Variants in ARHGEF28 observed in about 807,000 individuals in gnomAD.
ARHGEF28 encodes 190 kDa guanine nucleotide exchange factor.
ARHGEF28 carries 152 observed loss-of-function variants against 206.6 expected under a neutral mutation model. The observed-to-expected ratio is 0.74, with a 90% confidence interval of 0.64 to 0.84. The LOEUF (loss-of-function observed/expected upper bound fraction) is 0.84, where lower values mean the gene tolerates loss of function less well. Ranked by LOEUF, ARHGEF28 falls within the 40% of genes least tolerant of loss-of-function variation. ARHGEF28 has a pLI of 0.00. For missense variants in ARHGEF28, 2,028 were observed against 2,073.2 expected, an observed-to-expected ratio of 0.98 and a Z score of 0.42; for synonymous variants, 763 against 776.4, an observed-to-expected ratio of 0.98 and a Z score of 0.29.
intron 9 of ARHGEF28, chr5:73,813,601 T>C (rs1309998480): frequency 1.3e-6 from 2 of 1,535,682 alleles, no homozygotes; most frequent in African/African-American, 2.7e-5. Flanking sequence ...GGATTCTGAC[T>C]CCGACTCACC....
In ARHGEF28 at chr5:73,868,147, G is replaced by C. The variant is rs760753964; in HGVS notation, c.2345G>C (p.Ser782Thr). 3.1e-6 allele frequency: 5 copies of C among 1,608,228 alleles called. No homozygotes were observed. In the South Asian group the frequency reaches 5.6e-5, roughly 18 times the overall value. ...TSLESESDHN[S>T]CRSRSHSDEL... ...TTGGAGTCTGAGAGTGACCATAACA[G>C]CTGCAGAAGCAGGTCTCATTCTGAT... The change falls in exon 20 of 36, where the codon AGC becomes ACC. Residue 782 changes from serine to threonine, a missense_variant. Physicochemically the swap from Ser to Thr is moderately conservative, Grantham distance 58. Transcript: ENST00000513042.
At chr5:73,846,165 C>G (rs562780057) in intron 11 of ARHGEF28, 103 bp from the exon 12 acceptor site, 84 of 1,025,340 alleles carry the variant, frequency 8.2e-5, no homozygotes, top group Non-Finnish European at 1.1e-4. Context: ...CCTATTGCAC[C>G]CCCCCCGCCC....
chr5:73,773,003 A>G (rs1164545534), intron 4 of ARHGEF28, among the ~76,000 whole-genome samples: 1 of 152,264 alleles, frequency 6.6e-6, no homozygotes, highest in Non-Finnish European at 1.5e-5. Flanking sequence ...ACAGTGAACA[A>G]TTCAGTGTAC....
chr5:73,739,163 A>T (rs1181686809), intron 2 of ARHGEF28, among the ~76,000 whole-genome samples: 1 of 152,160 alleles, frequency 6.6e-6, no homozygotes, highest in African/African-American at 2.4e-5. Context: ...TATGAGGAAC[A>T]TTAATATGTA....
At chr5:73,887,482 A>G in intron 25 of ARHGEF28, 121 bp from the exon 26 acceptor site, 1 of 728,330 alleles carries the variant, frequency 1.4e-6, no homozygotes, top group Non-Finnish European at 2.2e-6. Context: ...TTTGGCTATC[A>G]TAATACAGGT....
At chr5:73,773,670 G>A (rs1206447416) in intron 4 of ARHGEF28, among the ~76,000 whole-genome samples, 185 bp from the exon 5 acceptor site, 3 of 152,134 alleles carry the variant, frequency 2.0e-5, no homozygotes, top group African/African-American at 4.8e-5. Flanking sequence ...TGCCTACCTG[G>A]GCATTCACAA....
In ARHGEF28 at chr5:73,773,988, A is replaced by T. The variant is rs779037226; in HGVS notation, c.609A>T (p.Leu203Phe). ...CCAACGAAGAGGGTGCCACACCATT[A>T]GACTTAGCTTTACGTGAAGGACACT... ...ALPNEEGATP[L>F]DLALREGHSK... Residue 203 changes from leucine (L) to phenylalanine (F), a missense_variant, in exon 5 of 36, where the codon TTA becomes TTT. This residue lies in a region of ARHGEF28 where 1,002 missense variants were observed against 1,015.3 expected (regional missense o/e 0.99). Coordinates refer to ENST00000513042, the MANE Select transcript of ARHGEF28 (RefSeq NM_001177693.2). 1 of 1,606,718 alleles carries T rather than the reference A, an allele frequency of 6.2e-7. No individual in the cohort carries two copies. The highest frequency in any genetic ancestry group is 8.5e-7 in the Non-Finnish European group (1 of 1,176,370).
intron 9 of ARHGEF28, among the ~76,000 whole-genome samples, chr5:73,808,729 C>T (rs1368589956): frequency 6.6e-6 from 1 of 152,138 alleles, no homozygotes; most frequent in East Asian, 1.9e-4. Flanking sequence ...TATTTTATGA[C>T]TTTCCAGGAA....
At chr5:73,908,998 C>A (rs1762706525) in intron 33 of ARHGEF28, 1 of 157,252 alleles carries the variant, frequency 6.4e-6, no homozygotes, top group South Asian at 2.0e-4. Context: ...TATGTGGATT[C>A]TTAAGTTCTC....
At chr5:73,819,901 T>C (rs1756462662) in intron 9 of ARHGEF28, among the ~76,000 whole-genome samples, 1 of 152,234 alleles carries the variant, frequency 6.6e-6, no homozygotes. Context: ...ATTCTCTGAA[T>C]TCCCTTGGGG....
At chr5:73,650,572 C>T (rs564153470) in intron 1 of ARHGEF28, among the ~76,000 whole-genome samples, 12 of 152,000 alleles carry the variant, frequency 7.9e-5, no homozygotes, top group South Asian at 4.2e-4. Flanking sequence ...TGTGAGCCAC[C>T]GCGCCCAGCT....
chr5:73,776,618 C>G lies in ARHGEF28; in HGVS notation c.762C>G (p.Asn254Lys), dbSNP rs747968877. 6.2e-7 allele frequency: 1 copy of G among 1,613,956 alleles called. No homozygotes were observed. The highest frequency in any genetic ancestry group is 8.5e-7 in the Non-Finnish European group (1 of 1,179,818). Residue 254 changes from asparagine to lysine, a missense_variant, in exon 6 of 36, where the codon AAC (asparagine) becomes AAG (lysine). This residue lies in a region of ARHGEF28 where 1,002 missense variants were observed against 1,015.3 expected (regional missense o/e 0.99). Coordinates refer to ENST00000513042, the MANE Select transcript of ARHGEF28 (RefSeq NM_001177693.2). ...CGGAAACGCTGACCCTGACCCTGAA[C>G]CACACAGCCGAGCATTTGTTGGAGG... is the stretch of plus-strand genomic sequence containing the variant. ...HSSETLTLTL[N>K]HTAEHLLEAD... is the part of the protein sequence containing the mutation.
chr5:73,805,020 C>T (rs568355995), intron 9 of ARHGEF28, among the ~76,000 whole-genome samples: 1 of 152,044 alleles, frequency 6.6e-6, no homozygotes, highest in Non-Finnish European at 1.5e-5. Context: ...TCTGTTCCCC[C>T]CATTACTTAT....
At chr5:73,688,667 C>CT (rs1367666091) in intron 2 of ARHGEF28, among the ~76,000 whole-genome samples, 12 of 151,742 alleles carry the variant, frequency 7.9e-5, no homozygotes, top group Admixed American at 2.0e-4. Flanking sequence ...TTCTGGAAGG[C>CT]TTTTTTTTGA....
intron 25 of ARHGEF28, chr5:73,887,399 C>T (rs540540872): frequency 4.8e-5 from 19 of 393,526 alleles, no homozygotes; most frequent in Admixed American, 8.9e-5. Flanking sequence ...TGGAGATTTA[C>T]CTATACCTAC....
In ARHGEF28 at chr5:73,886,013, T is replaced by C. The variant is rs773493485; in HGVS notation, c.3219T>C (p.His1073=). 2.5e-6 allele frequency: 4 copies of C among 1,613,878 alleles called. No homozygotes were observed. The highest frequency in any genetic ancestry group is 3.4e-6 in the Non-Finnish European group (4 of 1,179,862). The change falls in exon 25 of 36, where the codon CAT becomes CAC. Residue 1073 remains histidine (H), a synonymous_variant. Coordinates refer to ENST00000513042, the MANE Select transcript of ARHGEF28 (RefSeq NM_001177693.2). ...NKTYTKLKNG[H]VFRKQALMSE... is the part of the protein sequence containing the mutation. Reference sequence around the variant, plus strand: ...CATACACGAAGCTCAAAAATGGACATGTGTTTAGGAAGCAGGCACTGATGA... The same window carrying C: ...CATACACGAAGCTCAAAAATGGACACGTGTTTAGGAAGCAGGCACTGATGA...
At chr5:73,717,871 A>C (rs1327997289) in intron 2 of ARHGEF28, among the ~76,000 whole-genome samples, 1 of 151,908 alleles carries the variant, frequency 6.6e-6, no homozygotes, top group Non-Finnish European at 1.5e-5. Context: ...TCAATATGGA[A>C]TTTGTCTTTT....
At chr5:73,825,093 T>A (rs1756825883) in intron 9 of ARHGEF28, among the ~76,000 whole-genome samples, 1 of 152,222 alleles carries the variant, frequency 6.6e-6, no homozygotes, top group Admixed American at 6.5e-5. Flanking sequence ...ACTGGGGAGA[T>A]GGTGAACAAA....
At chr5:73,811,765 G>C (rs146819110) in intron 9 of ARHGEF28, among the ~76,000 whole-genome samples, 42 of 152,192 alleles carry the variant, frequency 2.8e-4, no homozygotes, top group Non-Finnish European at 1.9e-4. Flanking sequence ...GGTGGATCAC[G>C]TGAGGTCAGG....
Sources: allele counts gnomAD v4.1 joint callset (sites outside exome capture counted in the v4.1 genomes callset), GRCh38; gene constraint gnomAD v4.1.1; regional missense constraint gnomAD v4.1.1; transcripts MANE v1.5; gene names NCBI Gene and HGNC (gene_info 2026-07-23, HGNC 2026-07-21).